MRPL50: variants seen among roughly 807,000 people sequenced by gnomAD.
MRPL50 encodes the protein mitochondrial ribosomal protein L50, also known as large ribosomal subunit protein mL50.
MRPL50 carries 10 observed loss-of-function variants against 16.2 expected under a neutral mutation model. That is an observed-to-expected ratio of 0.62 (90% CI 0.38 to 1.05). The LOEUF (loss-of-function observed/expected upper bound fraction) is 1.05, where lower values mean the gene tolerates loss of function less well. MRPL50 is among the 50% of genes least tolerant of loss of function. The pLI, the probability that MRPL50 is intolerant of heterozygous loss-of-function variation, is 0.01. For synonymous variants in MRPL50, 68 were observed against 66.8 expected (o/e 1.02, Z -0.09); for missense variants, 213 against 187.1 (o/e 1.14, Z -0.81).
chr9:101,397,465 C>T (rs1240229244), intron 1 of MRPL50, among the ~76,000 whole-genome samples: 1 of 152,144 alleles, frequency 6.6e-6, no homozygotes, highest in African/African-American at 2.4e-5. Context: ...TCATAATTTA[C>T]CACTTTCTGA....
rs1274120564 is a variant in MRPL50 at position 101,390,869 on chromosome 9, A to G, written c.93-19T>C. ...CTCTTTTCTGGAATGATCAAAAACA[A>G]ACAGACAAATCCATTAATGAAGTTG... On this transcript the variant is annotated intron_variant, in intron 1 of 1. Transcript: ENST00000374865. The G allele has an allele frequency of 6.4e-7, 1 of 1,563,792 alleles. No individual in the cohort carries two copies. Among genetic ancestry groups the G allele is most frequent in the Non-Finnish European group, 8.6e-7 (1 of 1,160,364 alleles).
rs1363166048 is a variant in MRPL50 at position 101,389,434 on chromosome 9, A to T, written c.*1032T>A. On this transcript the variant is annotated 3_prime_UTR_variant, in exon 2 of 2. Transcript: ENST00000374865. ...TACTGTTAACTAATTTTCTTCATGAAGATTCCAGAATTTATATTCCCAACT... is the reference window on the plus strand; with the variant it reads ...TACTGTTAACTAATTTTCTTCATGATGATTCCAGAATTTATATTCCCAACT... 7.8e-7 allele frequency: 1 copy of T among 1,280,974 alleles called. No individual in the cohort carries two copies. The highest frequency in any genetic ancestry group is 1.2e-5 in the South Asian group (1 of 80,770). 79.4% of individuals were successfully genotyped at this position (1,280,974 alleles called of 1,614,324 possible).
intron 1 of MRPL50, among the ~76,000 whole-genome samples, chr9:101,393,276 G>GA (rs1419591927): frequency 6.6e-6 from 1 of 152,024 alleles, no homozygotes; most frequent in Non-Finnish European, 1.5e-5. Context: ...CATTGAATGG[G>GA]AAAAAACTCA....
chr9:101,396,300 C>T (rs1325460117), intron 1 of MRPL50, among the ~76,000 whole-genome samples: 1 of 152,128 alleles, frequency 6.6e-6, no homozygotes, highest in African/African-American at 2.4e-5. Context: ...AATCTTACTA[C>T]TCGGTATATA....
Position 101,390,843 on chromosome 9 carries a change from T to C in MRPL50, c.100A>G (p.Lys34Glu). The C allele has an allele frequency of 6.3e-7, 1 of 1,592,106 alleles. No homozygotes were observed. The highest frequency in any genetic ancestry group is 8.5e-7 in the Non-Finnish European group (1 of 1,172,224). The change falls in exon 2 of 2, where the codon AAA (lysine) becomes GAA (glutamate). Residue 34 changes from lysine to glutamate, a missense_variant. By Grantham distance (56) the Lys-to-Glu change is moderately conservative (BLOSUM62 1). Transcript: ENST00000374865. ...REFWSRFRKE[K>E]EPVVVETVEE... ...ACTGTCTCAACAACCACTGGCTCTT[T>C]CTCTTTTCTGGAATGATCAAAAACA...
rs1830221730 is a variant in MRPL50 at position 101,387,874 on chromosome 9, AGT to A, written c.*2590_*2591del. On this transcript the variant is annotated 3_prime_UTR_variant, in exon 2 of 2. Transcript: ENST00000374865. ...ATATGTCTGATTATCTCATTAAACA[AGT>A]TAGCAAGCCTAATTTAATCTTTCAG... 6.6e-6 allele frequency: 1 copy of A among 152,160 alleles called. No individual in the cohort carries two copies. The highest frequency in any genetic ancestry group is 1.5e-5 in the Non-Finnish European group (1 of 68,010). The allele number at this position is 152,160 out of a possible 1,614,324, so 9.4% of individuals were successfully genotyped here.
chr9:101,398,324 A>G (rs1368960368), intron 1 of MRPL50, among the ~76,000 whole-genome samples, 177 bp downstream of exon 1: 1 of 152,192 alleles, frequency 6.6e-6, no homozygotes, highest in Non-Finnish European at 1.5e-5. Context: ...CGAGAGTGGA[A>G]GAGACTGGGT....
rs755290863 is a variant in MRPL50 at position 101,390,642 on chromosome 9, G to A, written c.301C>T (p.Leu101=). 1 of 1,607,472 alleles carries A rather than the reference G, an allele frequency of 6.2e-7. No homozygotes were observed. The highest frequency in any genetic ancestry group is 8.5e-7 in the Non-Finnish European group (1 of 1,175,910). Residue 101 remains leucine (L), a synonymous_variant, in exon 2 of 2, where the codon CTG becomes TTG. Coordinates refer to ENST00000374865, the MANE Select transcript of MRPL50 (RefSeq NM_019051.3). ...LEDSRLKFNL[L]AHLADDLGHV... ...CCCAAGTCATCAGCTAAATGAGCCA[G>A]AAGATTGAACTTTAGACGACTATCT...
At chr9:101,392,074 CAAT>C (rs1284392473) in intron 1 of MRPL50, among the ~76,000 whole-genome samples, 4 of 151,814 alleles carry the variant, frequency 2.6e-5, no homozygotes, top group Non-Finnish European at 5.9e-5. Context: ...ACCAATGAGT[CAAT>C]GATGAAATTA....
chr9:101,390,568 A>T lies in MRPL50; in HGVS notation c.375T>A (p.Asp125Glu), dbSNP rs1403590001. Reference sequence around the variant, plus strand: ...TAGGGACATTATAGAAATCAAGAACATCTCTAACCCTGCACATCTGGTGGA... The same window carrying T: ...TAGGGACATTATAGAAATCAAGAACTTCTCTAACCCTGCACATCTGGTGGA... ...SRLHQMCRVR[D>E]VLDFYNVPIQ... Residue 125 changes from aspartate to glutamate, a missense_variant, in exon 2 of 2, where the codon GAT becomes GAA. Coordinates refer to ENST00000374865, the MANE Select transcript of MRPL50 (RefSeq NM_019051.3). 6.2e-7 allele frequency: 1 copy of T among 1,613,444 alleles called. No individual in the cohort carries two copies. The highest frequency in any genetic ancestry group is 1.1e-5 in the South Asian group (1 of 91,060).
At chr9:101,397,182 C>T (rs1489179674) in intron 1 of MRPL50, among the ~76,000 whole-genome samples, 1 of 151,984 alleles carries the variant, frequency 6.6e-6, no homozygotes, top group Non-Finnish European at 1.5e-5. Flanking sequence ...TCTAACTGGC[C>T]AGGTGTGGTG....
At chr9:101,397,110 T>C (rs1830357514) in intron 1 of MRPL50, among the ~76,000 whole-genome samples, 1 of 152,196 alleles carries the variant, frequency 6.6e-6, no homozygotes, top group Non-Finnish European at 1.5e-5. Flanking sequence ...AATAATACTG[T>C]ACTGTATACT....
At chr9:101,397,593 CAT>C (rs1356236357) in intron 1 of MRPL50, among the ~76,000 whole-genome samples, 1 of 152,054 alleles carries the variant, frequency 6.6e-6, no homozygotes. Context: ...TATAGCCTGG[CAT>C]ATAGTAAACA....
At position 101,390,383 on chromosome 9, in the gene MRPL50, T is replaced by C; in HGVS notation, c.*83A>G. ...AGAACAGTTCTGGTAGTATTTCACATGGTAAAGTATCAAAAGATCTAATGA... is the reference window on the plus strand; with the variant it reads ...AGAACAGTTCTGGTAGTATTTCACACGGTAAAGTATCAAAAGATCTAATGA... On this transcript the variant is annotated 3_prime_UTR_variant, in exon 2 of 2. Transcript: ENST00000374865. 3 of 1,521,506 alleles carry C rather than the reference T, an allele frequency of 2.0e-6. No individual in the cohort carries two copies. Among genetic ancestry groups the C allele is most frequent in the African/African-American group, 1.4e-5 (1 of 71,886 alleles). 94.3% of individuals were successfully genotyped at this position (1,521,506 alleles called of 1,614,324 possible). A position where few individuals can be genotyped will look rare whatever the true frequency, so the allele number is the denominator to read the frequency against.
At chr9:101,394,859 C>G (rs1010769870) in intron 1 of MRPL50, among the ~76,000 whole-genome samples, 2 of 152,006 alleles carry the variant, frequency 1.3e-5, no homozygotes, top group African/African-American at 4.8e-5. Flanking sequence ...TGCTTCAGGA[C>G]TTTGGTCTGG....
intron 1 of MRPL50, 97 bp downstream of exon 1, chr9:101,398,404 C>A: frequency 2.5e-6 from 3 of 1,189,596 alleles, no homozygotes; most frequent in Non-Finnish European, 3.7e-6. Flanking sequence ...TCTGATCAGG[C>A]GCGGGACCAC....
At chr9:101,392,727 C>T (rs918187845) in intron 1 of MRPL50, among the ~76,000 whole-genome samples, 2 of 151,962 alleles carry the variant, frequency 1.3e-5, no homozygotes, top group East Asian at 1.9e-4. Context: ...CCAATCAATA[C>T]GAATTCTACC....
chr9:101,398,554 G>C lies in MRPL50; in HGVS notation c.39C>G (p.Val13=). The C allele has an allele frequency of 6.2e-7, 1 of 1,614,014 alleles. No individual in the cohort carries two copies. Among genetic ancestry groups the C allele is most frequent in the Non-Finnish European group, 8.5e-7 (1 of 1,180,016 alleles). The change falls in exon 1 of 2, where the codon GTC becomes GTG. Residue 13 remains valine, a synonymous_variant. Transcript: ENST00000374865. Reference sequence around the variant, plus strand: ...GTGTCCCTGAGACTGTCCACATGAAGACTCTTCTGGTAATGCCCGACACAG... The same window carrying C: ...GTGTCCCTGAGACTGTCCACATGAACACTCTTCTGGTAATGCCCGACACAG... ...ARSVSGITRR[V]FMWTVSGTPC...
chr9:101,390,423 C>A lies in MRPL50; in HGVS notation c.*43G>T. On this transcript the variant is annotated 3_prime_UTR_variant, in exon 2 of 2. Transcript: ENST00000374865. The stretch of plus-strand genomic sequence containing the variant: ...AGATCTAATGAGCAGCCCCCTTGCT[C>A]AGGGAAAGACAGTGATTTCAATGTG... 6.4e-7 allele frequency: 1 copy of A among 1,566,920 alleles called. No homozygotes were observed. Among genetic ancestry groups the A allele is most frequent in the South Asian group, 1.2e-5 (1 of 81,630 alleles).
Sources: gnomAD v4.1 joint callset for allele counts (sites outside exome capture counted in the v4.1 genomes callset) on GRCh38, gnomAD v4.1.1 for gene constraint, MANE v1.5 for transcripts, NCBI Gene and HGNC (gene_info 2026-07-23, HGNC 2026-07-21) for gene names.